The following SLC4A7 variants were observed in gnomAD, a reference collection of about 807,000 sequenced individuals.
SLC4A7 encodes sodium bicarbonate cotransporter 3.
Under a neutral mutation model 137.6 loss-of-function variants are expected in SLC4A7, and 51 were observed. That is an observed-to-expected ratio of 0.37 (90% CI 0.30 to 0.47). SLC4A7 has a LOEUF of 0.47. SLC4A7 is among the 20% of genes least tolerant of loss of function. The pLI is 1.00. For synonymous variants in SLC4A7, 542 were observed against 518.6 expected (o/e 1.05, Z -0.61); for missense variants, 1,247 against 1,525.4 (o/e 0.82, Z 3.04).
At chr3:27,402,079 G>A (rs1188219155) in intron 15 of SLC4A7, among the ~76,000 whole-genome samples, 1 of 152,186 alleles carries the variant, frequency 6.6e-6, no homozygotes, top group East Asian at 1.9e-4. Context: ...ACATGTATCT[G>A]GGGCTTAGGT....
chr3:27,430,113 T>A (rs910063929), intron 7 of SLC4A7, among the ~76,000 whole-genome samples: 1 of 151,448 alleles, frequency 6.6e-6, no homozygotes, highest in Non-Finnish European at 1.5e-5. Flanking sequence ...GAATGCTGAG[T>A]CAGGAGGATT....
At chr3:27,414,618 G>A (rs1247008753) in intron 11 of SLC4A7, among the ~76,000 whole-genome samples, 1 of 152,144 alleles carries the variant, frequency 6.6e-6, no homozygotes, top group African/African-American at 2.4e-5. Context: ...GATCCATGTT[G>A]CAAAAGAAGT....
At chr3:27,483,536 G>A (rs1429323957) in intron 1 of SLC4A7, among the ~76,000 whole-genome samples, 2 of 152,222 alleles carry the variant, frequency 1.3e-5, no homozygotes, top group Non-Finnish European at 2.9e-5. Context: ...AGCGCACCGC[G>A]GAGCGGGAGG....
At chr3:27,382,057 G>A (rs952929543) in intron 24 of SLC4A7, among the ~76,000 whole-genome samples, 7 of 151,998 alleles carry the variant, frequency 4.6e-5, no homozygotes, top group African/African-American at 1.4e-4. Context: ...ACAAGAATGA[G>A]ACTTCATCTC....
At chr3:27,467,170 T>C (rs1576638966) in intron 1 of SLC4A7, among the ~76,000 whole-genome samples, 2 of 152,182 alleles carry the variant, frequency 1.3e-5, no homozygotes, top group East Asian at 1.9e-4. Context: ...CCAGGGACAA[T>C]GCACTTTTCA....
chr3:27,439,801 T>C (rs2057046652), intron 3 of SLC4A7, among the ~76,000 whole-genome samples: 1 of 152,192 alleles, frequency 6.6e-6, no homozygotes, highest in African/African-American at 2.4e-5. Flanking sequence ...TTTTCCCAAA[T>C]CACAGAAAAT....
intron 13 of SLC4A7, among the ~76,000 whole-genome samples, chr3:27,407,336 C>A (rs1157167159): frequency 6.6e-6 from 1 of 151,680 alleles, no homozygotes; most frequent in Non-Finnish European, 1.5e-5. Context: ...AAAAATGAGC[C>A]CGCCGTGGTG....
intron 1 of SLC4A7, among the ~76,000 whole-genome samples, chr3:27,468,590 T>C (rs1237307693): frequency 1.3e-5 from 2 of 151,806 alleles, no homozygotes; most frequent in Non-Finnish European, 2.9e-5. Context: ...TTAATAATAA[T>C]TGTAATAATA....
intron 7 of SLC4A7, among the ~76,000 whole-genome samples, chr3:27,429,083 T>A (rs984963317): frequency 6.6e-6 from 1 of 151,864 alleles, no homozygotes; most frequent in African/African-American, 2.4e-5. Context: ...CTGGCCAACA[T>A]GGTGAAACCC....
intron 22 of SLC4A7, among the ~76,000 whole-genome samples, chr3:27,388,782 T>C (rs1198116949): frequency 6.6e-6 from 1 of 152,122 alleles, no homozygotes; most frequent in Non-Finnish European, 1.5e-5. Context: ...AATAATTCCA[T>C]TCTTCTAATA....
intron 13 of SLC4A7, among the ~76,000 whole-genome samples, chr3:27,405,954 G>C (rs2053304305): frequency 1.3e-5 from 2 of 152,076 alleles, no homozygotes; most frequent in Non-Finnish European, 2.9e-5. Flanking sequence ...TAGAAAAAGG[G>C]GGAAAGAATC....
rs139916793 is a variant in SLC4A7 at position 27,398,187 on chromosome 3, G to T, written c.2589+5C>A. ...ACCAGAATTCCAAAATTATATCACA[G>T]TTACCTTGGTAGGAAAGTAACGCTT... On this transcript the variant is annotated splice_donor_5th_base_variant and intron_variant, in intron 17 of 25. Transcript: ENST00000454389. 340 of 1,598,884 alleles carry T rather than the reference G, an allele frequency of 2.1e-4. 2 individuals are homozygous for T. In the African/African-American group the frequency reaches 4.1e-3, roughly 19 times the overall value.
At position 27,438,204 on chromosome 3, in the gene SLC4A7, C is replaced by CAATAA. The variant is rs1553704488; in HGVS notation, c.290-683_290-679dup. Among the ~76,000 whole-genome samples, 114 of 147,584 alleles carry CAATAA rather than the reference C, an allele frequency of 7.7e-4. 1 individual carries two copies. The highest frequency in any genetic ancestry group is 2.3e-3 in the African/African-American group (90 of 39,894). ...AGAGACTCCGTCTCAGTCAATCAAT[C>CAATAA]AATAAAATAAAATAAAATGTGGCCG... is the stretch of plus-strand genomic sequence containing the variant. On this transcript the variant is annotated intron_variant, in intron 3 of 25. Transcript: ENST00000454389.
chr3:27,451,007 G>A (rs900014653), intron 2 of SLC4A7, among the ~76,000 whole-genome samples: 1 of 151,954 alleles, frequency 6.6e-6, no homozygotes, highest in Non-Finnish European at 1.5e-5. Context: ...ATTTGAATTA[G>A]TAAAATTACC....
chr3:27,471,138 A>G (rs1447481759), intron 1 of SLC4A7, among the ~76,000 whole-genome samples: 2 of 152,154 alleles, frequency 1.3e-5, no homozygotes, highest in Admixed American at 1.3e-4. Flanking sequence ...ATATGCCCCT[A>G]CTATTTGCAA....
intron 1 of SLC4A7, among the ~76,000 whole-genome samples, chr3:27,461,398 C>G (rs2058687818): frequency 6.8e-6 from 1 of 147,206 alleles, no homozygotes; most frequent in Admixed American, 6.8e-5. Flanking sequence ...GACACTGTCT[C>G]AAAAAAAAAC....
intron 8 of SLC4A7, among the ~76,000 whole-genome samples, chr3:27,422,545 A>G (rs890255725): frequency 6.6e-6 from 1 of 152,206 alleles, no homozygotes; most frequent in Non-Finnish European, 1.5e-5. Context: ...CAGGGATTAC[A>G]GGCATGAATT....
At chr3:27,410,648 C>G (rs949403695) in intron 12 of SLC4A7, among the ~76,000 whole-genome samples, 1 of 152,126 alleles carries the variant, frequency 6.6e-6, no homozygotes, top group African/African-American at 2.4e-5. Context: ...AGAGGGCATA[C>G]AGATGCTCTC....
intron 3 of SLC4A7, among the ~76,000 whole-genome samples, chr3:27,445,963 A>AAAAAT (rs1553708479): frequency 1.1e-4 from 4 of 37,496 alleles, no homozygotes; most frequent in Non-Finnish European, 1.8e-4. Context: ...AAAAAAAAAA[A>AAAAAT]ATATATATAT....
Sources: allele counts gnomAD v4.1 joint callset (sites outside exome capture counted in the v4.1 genomes callset), GRCh38; gene constraint gnomAD v4.1.1; transcripts MANE v1.5; gene names NCBI Gene and HGNC (gene_info 2026-07-23, HGNC 2026-07-21).